Variants in GBP4 observed in about 807,000 individuals in gnomAD.
GBP4 encodes the protein guanylate binding protein 4.
A neutral mutation model predicts 62.2 loss-of-function variants in GBP4; 69 were observed. That is an observed-to-expected ratio of 1.11 (90% CI 0.91 to 1.36). The LOEUF is 1.36. Ranked by LOEUF, GBP4 falls within the 40% of genes most tolerant of loss-of-function variation. The pLI is 0.00. For missense variants in GBP4, 697 were observed against 759.3 expected, an observed-to-expected ratio of 0.92 and a Z score of 0.96; for synonymous variants, 278 against 274.6, an observed-to-expected ratio of 1.01 and a Z score of -0.12.
intron 4 of GBP4, 37 bp downstream of exon 4, chr1:89,193,266 C>A: frequency 6.3e-7 from 1 of 1,592,848 alleles, no homozygotes; most frequent in Non-Finnish European, 8.6e-7. Context: ...TTCCCCTAAA[C>A]CCCATAAAAC....
At chr1:89,197,061 GT>G (rs1648361258) in intron 2 of GBP4, 48 bp downstream of exon 2, 1 of 1,518,462 alleles carries the variant, frequency 6.6e-7, no homozygotes, top group Non-Finnish European at 9.0e-7. Context: ...GATCAGCTGT[GT>G]TATCACTGGT....
chr1:89,181,647 A>G lies in GBP4; in HGVS notation c.*3607T>C, dbSNP rs1647884212. 1 of 152,196 alleles carries G rather than the reference A, an allele frequency of 6.6e-6. No individual in the cohort carries two copies. Among genetic ancestry groups the G allele is most frequent in the Non-Finnish European group, 1.5e-5 (1 of 68,038 alleles). 9.4% of individuals were successfully genotyped at this position (152,196 alleles called of 1,614,324 possible). ...CTAGACAAAATGTATGTACATTAAA[A>G]TTTTGATATACAATTCCAACAGATC... On this transcript the variant is annotated 3_prime_UTR_variant, in exon 11 of 11. Transcript: ENST00000355754.
Position 89,190,350 on chromosome 1 carries a change from G to C in GBP4, c.917-32C>G, listed in dbSNP as rs1265181975. 2.0e-6 allele frequency: 3 copies of C among 1,517,286 alleles called. No homozygotes were observed. The East Asian group carries it at 6.9e-5, about 35-fold the overall frequency. 94.0% of individuals were successfully genotyped at this position (1,517,286 alleles called of 1,614,324 possible). ...CACATATATTTAGGGAAAATTTACA[G>C]TTCTTACTCATTATTTATACAAGTT... is the stretch of plus-strand genomic sequence containing the variant. On this transcript the variant is annotated intron_variant, in intron 6 of 10. Coordinates refer to ENST00000355754, the MANE Select transcript of GBP4 (RefSeq NM_052941.5).
chr1:89,190,569 A>G (rs1015395829), intron 6 of GBP4, among the ~76,000 whole-genome samples: 2 of 151,940 alleles, frequency 1.3e-5, no homozygotes, highest in Admixed American at 6.6e-5. Context: ...ACCCATTGCA[A>G]CCAATATGTT....
At chr1:89,195,750 G>T (rs1026592465) in intron 2 of GBP4, among the ~76,000 whole-genome samples, 16 of 152,066 alleles carry the variant, frequency 1.1e-4, no homozygotes, top group African/African-American at 3.4e-4. Flanking sequence ...GCCATAGGTA[G>T]ATTGTCTTAA....
At position 89,184,541 on chromosome 1, in the gene GBP4, C is replaced by G. The variant is rs1286267628; in HGVS notation, c.*713G>C. 2 of 152,202 alleles carry G rather than the reference C, an allele frequency of 1.3e-5. No individual in the cohort carries two copies. Among genetic ancestry groups the G allele is most frequent in the African/African-American group, 2.4e-5 (1 of 41,438 alleles). 9.4% of individuals were successfully genotyped at this position (152,202 alleles called of 1,614,324 possible). On this transcript the variant is annotated 3_prime_UTR_variant, in exon 11 of 11. Coordinates refer to ENST00000355754, the MANE Select transcript of GBP4 (RefSeq NM_052941.5). Reference sequence around the variant, plus strand: ...CCATAAAAAACAACAAGATCATGTCCTCTGTAGCAATATGGATGGAGCTGG... The same window carrying G: ...CCATAAAAAACAACAAGATCATGTCGTCTGTAGCAATATGGATGGAGCTGG...
At chr1:89,198,031 G>C (rs1477846141) in intron 1 of GBP4, among the ~76,000 whole-genome samples, 6 of 151,814 alleles carry the variant, frequency 4.0e-5, no homozygotes, top group Admixed American at 3.9e-4. Context: ...TGGGGGGAGG[G>C]GTCTAGTTAA....
intron 10 of GBP4, 36 bp from the exon 11 acceptor site, chr1:89,185,505 C>A: frequency 8.9e-7 from 1 of 1,117,404 alleles, no homozygotes; most frequent in Non-Finnish European, 1.3e-6. Context: ...TGAAAATCTC[C>A]AATTTTCTTC....
In GBP4 at chr1:89,190,238, G is replaced by A. The variant is rs760568418; in HGVS notation, c.997C>T (p.Leu333=). Residue 333 remains leucine (L), a synonymous_variant, in exon 7 of 11, where the codon CTG becomes TTG. Coordinates refer to ENST00000355754, the MANE Select transcript of GBP4 (RefSeq NM_052941.5). ...GCCGCTGGGTTCTCAAGCTGGGCCA[G>A]TGCTGTCACTGCATTCTCCAGACAA... ...VPCLENAVTA[L]AQLENPAAVQ... is the part of the protein sequence containing the mutation. 6.2e-7 allele frequency: 1 copy of A among 1,614,148 alleles called. No homozygotes were observed. Among genetic ancestry groups the A allele is most frequent in the Non-Finnish European group, 8.5e-7 (1 of 1,180,012 alleles).
In GBP4 at chr1:89,198,906, A is replaced by G; in HGVS notation, c.-72T>C. On this transcript the variant is annotated 5_prime_UTR_variant, in exon 1 of 11. Transcript: ENST00000355754. ...AGAAGCTGAAAGTCCAGCCGGATTT[A>G]CAGACATCCAAGTAAGAGTCTGTGA... 1 of 1,404,008 alleles carries G rather than the reference A, an allele frequency of 7.1e-7. No individual in the cohort carries two copies. Among genetic ancestry groups the G allele is most frequent in the Non-Finnish European group, 1.0e-6 (1 of 988,254 alleles). 87.0% of individuals were successfully genotyped at this position (1,404,008 alleles called of 1,614,324 possible).
chr1:89,194,308 T>C (rs1648268400), intron 3 of GBP4, among the ~76,000 whole-genome samples: 1 of 152,242 alleles, frequency 6.6e-6, no homozygotes, highest in Non-Finnish European at 1.5e-5. Context: ...CCAAATCACA[T>C]TACAAGTTCT....
At chr1:89,196,419 G>A (rs1648342479) in intron 2 of GBP4, among the ~76,000 whole-genome samples, 1 of 152,162 alleles carries the variant, frequency 6.6e-6, no homozygotes, top group African/African-American at 2.4e-5. Context: ...AAAACCAAGA[G>A]TCAAAGAAGT....
rs1183055348 is a variant in GBP4, at chr1:89,190,055, A to G, written c.1180T>C (p.Phe394Leu). 1.2e-6 allele frequency: 2 copies of G among 1,607,922 alleles called. No homozygotes were observed. The highest frequency in any genetic ancestry group is 1.1e-5 in the South Asian group (1 of 90,836). The change falls in exon 7 of 11, where the codon TTC (phenylalanine) becomes CTC (leucine). Residue 394 changes from phenylalanine to leucine, a missense_variant. Transcript: ENST00000355754. The stretch of plus-strand genomic sequence containing the variant: ...AAAAGTACCACAAGCTTCTTCTGGA[A>G]TTCATGGTTTTCATCCTTGAAGGAG... ...EHSFKDENHE[F>L]QKKLVDTIEK... is the part of the protein sequence containing the mutation.
chr1:89,198,907 C>T lies in GBP4; in HGVS notation c.-73G>A. ...GAAGCTGAAAGTCCAGCCGGATTTA[C>T]AGACATCCAAGTAAGAGTCTGTGAG... On this transcript the variant is annotated 5_prime_UTR_variant, in exon 1 of 11. Transcript: ENST00000355754. The T allele has an allele frequency of 1.4e-6, 2 of 1,405,366 alleles. No homozygotes were observed. The highest frequency in any genetic ancestry group is 2.0e-6 in the Non-Finnish European group (2 of 989,558). 87.1% of individuals were successfully genotyped at this position (1,405,366 alleles called of 1,614,324 possible).
chr1:89,197,052 A>G (rs2100680440), intron 2 of GBP4, 58 bp downstream of exon 2: 1 of 1,460,910 alleles, frequency 6.8e-7, no homozygotes, highest in Non-Finnish European at 9.3e-7. Context: ...AGGGGGTGTG[A>G]TCAGCTGTGT....
intron 2 of GBP4, 128 bp from the exon 3 acceptor site, chr1:89,195,552 C>A (rs1648312429): frequency 3.8e-6 from 4 of 1,048,426 alleles, no homozygotes; most frequent in Non-Finnish European, 5.5e-6. Flanking sequence ...CCATCTCAGG[C>A]AGGACAACTA....
chr1:89,193,492 T>A, intron 3 of GBP4, 80 bp from the exon 4 acceptor site: 2 of 1,256,496 alleles, frequency 1.6e-6, no homozygotes, highest in South Asian at 2.5e-5. Context: ...CATTAGCTAT[T>A]TCAGCTGTAT....
chr1:89,182,171 G>T lies in GBP4; in HGVS notation c.*3083C>A, dbSNP rs1000619580. The T allele has an allele frequency of 6.6e-6, 1 of 152,206 alleles. No individual in the cohort carries two copies. The highest frequency in any genetic ancestry group is 1.9e-4 in the East Asian group (1 of 5,198). The allele number at this position is 152,206 out of a possible 1,614,324, so 9.4% of individuals were successfully genotyped here. A position where few individuals can be genotyped will look rare whatever the true frequency, so the allele number is the denominator to read the frequency against. Reference sequence around the variant, plus strand: ...CAAGGAGTTCATTCTGTAGCAGGATGAGCTGCAGACAAAACTTCTCAGACA... The same window carrying T: ...CAAGGAGTTCATTCTGTAGCAGGATTAGCTGCAGACAAAACTTCTCAGACA... On this transcript the variant is annotated 3_prime_UTR_variant, in exon 11 of 11. Transcript: ENST00000355754.
chr1:89,189,607 G>A (rs977695514), intron 7 of GBP4, among the ~76,000 whole-genome samples: 1 of 152,202 alleles, frequency 6.6e-6, no homozygotes. Context: ...TCTCTAGCTG[G>A]TGTGAGAAGA....
Sources: gnomAD v4.1 joint callset for allele counts (sites outside exome capture counted in the v4.1 genomes callset) on GRCh38, gnomAD v4.1.1 for gene constraint, MANE v1.5 for transcripts, NCBI Gene and HGNC (gene_info 2026-07-23, HGNC 2026-07-21) for gene names.